Variants in CNOT10 observed in about 807,000 individuals in gnomAD.
CNOT10 encodes CCR4-NOT transcription complex, subunit 10.
In CNOT10, 30 loss-of-function variants were observed where a neutral mutation model predicts 94.6. The ratio of observed to expected loss-of-function variants is 0.32; its 90% CI spans 0.24 to 0.43. CNOT10 has a LOEUF of 0.43. CNOT10 is among the 20% of genes least tolerant of loss of function. CNOT10 has a pLI of 1.00. For synonymous variants in CNOT10, 289 were observed against 301.6 expected, an observed-to-expected ratio of 0.96 and a Z score of 0.43; for missense variants, 759 against 877.2, an observed-to-expected ratio of 0.87 and a Z score of 1.70.
In CNOT10 at chr3:32,710,119, C is replaced by T. The variant is rs576086272; in HGVS notation, c.430+1299C>T. Among the ~76,000 whole-genome samples, 237 of 140,544 alleles carry T rather than the reference C, an allele frequency of 1.7e-3. 1 individual carries two copies. The highest frequency in any genetic ancestry group is 6.1e-3 in the African/African-American group (230 of 37,596). The allele number at this position is 140,544 out of a possible 152,430, so 92.2% of individuals were successfully genotyped here. A position where few individuals can be genotyped will look rare whatever the true frequency, so the allele number is the denominator to read the frequency against. On this transcript the variant is annotated intron_variant, in intron 4 of 18. Coordinates refer to ENST00000328834, the MANE Select transcript of CNOT10 (RefSeq NM_015442.3). ...CCAAGATTGCACCACAGCATTCCAG[C>T]CTGAGCAACAAGAGCAAAACTTGCT...
intron 17 of CNOT10, 155 bp from the exon 18 acceptor site, chr3:32,769,732 C>T (rs1219544877): frequency 1.6e-6 from 1 of 609,116 alleles, no homozygotes; most frequent in Non-Finnish European, 3.0e-6. Context: ...ACAAAAGGAA[C>T]TGAGGCTCAT....
At chr3:32,753,291 C>A (rs1700045264) in intron 13 of CNOT10, 2 of 887,782 alleles carry the variant, frequency 2.3e-6, no homozygotes, top group Admixed American at 3.4e-5. Flanking sequence ...CAGAATGGCC[C>A]AGAATCTGAT....
At chr3:32,720,873 C>T (rs1698351881) in intron 8 of CNOT10, among the ~76,000 whole-genome samples, 1 of 140,452 alleles carries the variant, frequency 7.1e-6, no homozygotes, top group Admixed American at 7.3e-5. Context: ...TCCCTCCTTC[C>T]TTCTTTCTTT....
chr3:32,725,008 G>C (rs569227775), intron 8 of CNOT10, among the ~76,000 whole-genome samples: 1 of 151,882 alleles, frequency 6.6e-6, no homozygotes, highest in South Asian at 2.1e-4. Context: ...AACACTTTTT[G>C]TCTTTTGCAT....
At chr3:32,771,485 AG>A (rs1452382310) in intron 18 of CNOT10, among the ~76,000 whole-genome samples, 2 of 152,040 alleles carry the variant, frequency 1.3e-5, no homozygotes, top group African/African-American at 4.8e-5. Context: ...CCTGTAATCC[AG>A]GTACTTAGGA....
rs1454192555 is a variant in CNOT10, at chr3:32,754,237, G to A, written c.1596-5221G>A. ...TCACGCCTGTAATCCCAGCACTTTG[G>A]GAGGCTGAGGTGGGAGGATCATGAG... On this transcript the variant is annotated intron_variant, in intron 13 of 18. Transcript: ENST00000328834. Among the ~76,000 whole-genome samples, 5 of 151,642 alleles carry A rather than the reference G, an allele frequency of 3.3e-5. No homozygotes were observed. The East Asian group carries it at 9.9e-4, about 30-fold the overall frequency.
rs1034519652 is a variant in CNOT10, at chr3:32,759,531, G to C, written c.1669G>C (p.Asp557His). 10 of 1,613,962 alleles carry C rather than the reference G, an allele frequency of 6.2e-6. No homozygotes were observed. Among genetic ancestry groups the C allele is most frequent in the Non-Finnish European group, 8.5e-6 (10 of 1,179,994 alleles). The change falls in exon 14 of 19, where the codon GAT becomes CAT. Residue 557 changes from aspartate (D) to histidine (H), a missense_variant. By Grantham distance (81) the Asp-to-His change is moderately conservative. This residue lies in a region of CNOT10 where 682 missense variants were observed against 799.4 expected (regional missense o/e 0.85). Coordinates refer to ENST00000328834, the MANE Select transcript of CNOT10 (RefSeq NM_015442.3). ...GDNLMALNHADKLLQQPKLSG... is the reference protein window; with the variant it reads ...GDNLMALNHAHKLLQQPKLSG... ...TAACCTCATGGCTTTGAATCATGCA[G>C]ATAAACTTCTTCAGCAGCCCAAGCT...
At chr3:32,685,507 C>T in intron 1 of CNOT10, 25 bp downstream of exon 1, 3 of 1,549,636 alleles carry the variant, frequency 1.9e-6, no homozygotes, top group Non-Finnish European at 2.6e-6. Context: ...TCCCGAGCGA[C>T]GAGACGGCGG....
intron 13 of CNOT10, among the ~76,000 whole-genome samples, chr3:32,739,866 A>G (rs576999578): frequency 1.3e-5 from 2 of 152,258 alleles, no homozygotes; most frequent in South Asian, 4.1e-4. Context: ...CAGAAGTTGC[A>G]GTAAGCCAAG....
chr3:32,685,728 A>T (rs1210878522), intron 1 of CNOT10, among the ~76,000 whole-genome samples: 3 of 152,150 alleles, frequency 2.0e-5, no homozygotes, highest in Admixed American at 6.5e-5. Context: ...TGCTCTTCAG[A>T]ATAACTCCGG....
intron 13 of CNOT10, 57 bp from the exon 14 acceptor site, chr3:32,759,401 A>T (rs1385466447): frequency 8.2e-7 from 1 of 1,220,006 alleles, no homozygotes; most frequent in East Asian, 2.3e-5. Flanking sequence ...TTTAGCAAAT[A>T]TAACCATTAT....
intron 7 of CNOT10, among the ~76,000 whole-genome samples, chr3:32,718,681 C>T (rs918596087): frequency 5.9e-5 from 9 of 151,388 alleles, no homozygotes; most frequent in Non-Finnish European, 1.0e-4. Context: ...CCTAAATCGG[C>T]GAAAACTTCA....
At position 32,710,007 on chromosome 3, in the gene CNOT10, G is replaced by A. The variant is rs568331244; in HGVS notation, c.430+1187G>A. ...ACTAAAAATACAAAATTAGCCAGGT[G>A]TGGTGGCACATGCCTGTAATCCCAG... On this transcript the variant is annotated intron_variant, in intron 4 of 18. Coordinates refer to ENST00000328834, the MANE Select transcript of CNOT10 (RefSeq NM_015442.3). 1.6e-3 allele frequency among the ~76,000 whole-genome samples: 246 copies of A among 152,116 alleles called. 1 individual carries two copies. The highest frequency in any genetic ancestry group is 5.8e-3 in the African/African-American group (239 of 41,512).
chr3:32,716,205 T>C lies in CNOT10; in HGVS notation c.574-20T>C, dbSNP rs753647639. On this transcript the variant is annotated intron_variant, in intron 5 of 18. Coordinates refer to ENST00000328834, the MANE Select transcript of CNOT10 (RefSeq NM_015442.3). ...TCAAAAATATTTAATTTTGATAAAC[T>C]TTGTTTCATCACCCTACAGACTGGT... 1.5e-6 allele frequency: 2 copies of C among 1,333,888 alleles called. No homozygotes were observed. Among genetic ancestry groups the C allele is most frequent in the Admixed American group, 2.4e-5 (1 of 42,276 alleles). The allele number at this position is 1,333,888 out of a possible 1,614,324, so 82.6% of individuals were successfully genotyped here.
chr3:32,746,002 C>G (rs1393847080), intron 13 of CNOT10, among the ~76,000 whole-genome samples: 1 of 152,278 alleles, frequency 6.6e-6, no homozygotes, highest in East Asian at 1.9e-4. Context: ...AAACCAAAAC[C>G]AATTACTAAT....
intron 13 of CNOT10, among the ~76,000 whole-genome samples, chr3:32,757,893 T>C (rs1011589440): frequency 6.6e-6 from 1 of 152,228 alleles, no homozygotes; most frequent in African/African-American, 2.4e-5. Context: ...TCCTCTGTAA[T>C]AAGGGTCAGA....
rs529423159 is a variant in CNOT10 at position 32,741,768 on chromosome 3, C to CAAAAAAAAAAAAAAAAAAAA, written c.1595+4293_1595+4294insAAAAAAAAAAAAAAAAAAAA. Among the ~76,000 whole-genome samples the CAAAAAAAAAAAAAAAAAAAA allele has an allele frequency of 1.1e-3, 99 of 86,476 alleles. 3 individuals carry two copies. The highest frequency in any genetic ancestry group is 2.0e-3 in the East Asian group (5 of 2,528). The allele number at this position is 86,476 out of a possible 152,430, so 56.7% of individuals were successfully genotyped here. A position where few individuals can be genotyped will look rare whatever the true frequency, so the allele number is the denominator to read the frequency against. Reference sequence around the variant, plus strand: ...TGGGCGACAGAGCGAGACTCCGTCTCAAAAAAAAAAAAAAACAGAAGAAAA... The same window carrying CAAAAAAAAAAAAAAAAAAAA: ...TGGGCGACAGAGCGAGACTCCGTCTCAAAAAAAAAAAAAAAAAAAAAAAAAAAAAAAAAAACAGAAGAAAA... On this transcript the variant is annotated intron_variant, in intron 13 of 18. Transcript: ENST00000328834.
At chr3:32,687,464 T>TTTTTTTTTTTTTTTTTTTG (rs1559471812) in intron 1 of CNOT10, among the ~76,000 whole-genome samples, 1 of 67,982 alleles carries the variant, frequency 1.5e-5, no homozygotes, top group African/African-American at 6.6e-5. Context: ...TTTTTTTTTT[T>TTTTTTTTTTTTTTTTTTTG]TTTTTGAGAC....
At chr3:32,696,503 A>G (rs1697076833) in intron 1 of CNOT10, among the ~76,000 whole-genome samples, 1 of 152,190 alleles carries the variant, frequency 6.6e-6, no homozygotes, top group South Asian at 2.1e-4. Context: ...TAACATGTAA[A>G]AGGTTATTTA....
Sources: allele counts gnomAD v4.1 joint callset (sites outside exome capture counted in the v4.1 genomes callset), GRCh38; gene constraint gnomAD v4.1.1; regional missense constraint gnomAD v4.1.1; transcripts MANE v1.5; gene names NCBI Gene and HGNC (gene_info 2026-07-23, HGNC 2026-07-21).